The following BRIP1 variants were observed in gnomAD, a reference collection of about 807,000 sequenced individuals.
BRIP1 encodes the protein Fanconi anemia group J protein.
In BRIP1, 88 loss-of-function variants were observed where a neutral mutation model predicts 119.7. That is an observed-to-expected ratio of 0.74 (90% CI 0.62 to 0.88). The LOEUF (loss-of-function observed/expected upper bound fraction) is 0.88. Among genes scored for constraint, BRIP1 ranks in the 40% least tolerant of loss-of-function variants. The pLI is 0.00. For missense variants in BRIP1, 1,259 were observed against 1,455.4 expected (o/e 0.87, Z 2.20); for synonymous variants, 443 against 496.5 (o/e 0.89, Z 1.43).
rs79121306 is a variant in BRIP1 at position 61,780,250 on chromosome 17, C to T, written c.1935+11G>A. The T allele has an allele frequency of 1.0e-4, 163 of 1,580,972 alleles. 1 individual carries two copies. The African/African-American group carries it at 1.6e-3, about 16-fold the overall frequency. On this transcript the variant is annotated intron_variant, in intron 13 of 19. Coordinates refer to ENST00000259008, the MANE Select transcript of BRIP1 (RefSeq NM_032043.3). This position sits in a 1 kb window ranked among gnomAD's most constrained non-coding sequence, Gnocchi z 5.4. Reference sequence around the variant, plus strand: ...ACTGAAGGCCTTCCAAAAAAAAAAACAACAACTAACCTGTGAATTTTTAAT... The same window carrying T: ...ACTGAAGGCCTTCCAAAAAAAAAAATAACAACTAACCTGTGAATTTTTAAT...
rs754056526 is a variant in BRIP1, at chr17:61,683,679, T to C, written c.3367A>G (p.Thr1123Ala). ...KQSTSNRDFETEAEDESIYFT... is the reference protein window; with the variant it reads ...KQSTSNRDFEAEAEDESIYFT... ...TAGATAGATTCATCTTCTGCTTCTG[T>C]TTCAAAATCTCTATTTGAAGTGGAC... The change falls in exon 20 of 20, where the codon ACA (threonine) becomes GCA (alanine). Residue 1123 changes from threonine (T) to alanine (A), a missense_variant. Physicochemically the swap from Thr to Ala is moderately conservative, Grantham distance 58 (BLOSUM62 0). Around this residue, in one of 3 missense-constraint regions of BRIP1, gnomAD observed 753 missense variants for 891.8 expected, o/e 0.84. Coordinates refer to ENST00000259008, the MANE Select transcript of BRIP1 (RefSeq NM_032043.3). The surrounding 1 kb of genome is among the most constrained non-coding windows in gnomAD (Gnocchi z 4.7). 6.2e-7 allele frequency: 1 copy of C among 1,613,832 alleles called. No homozygotes were observed. The highest frequency in any genetic ancestry group is 1.7e-5 in the Admixed American group (1 of 60,024).
rs1303373106 is a variant in BRIP1, at chr17:61,816,884, T to C, written c.628-8127A>G. Among the ~76,000 whole-genome samples, 1 of 152,240 alleles carries C rather than the reference T, an allele frequency of 6.6e-6. No individual in the cohort carries two copies. Among genetic ancestry groups the C allele is most frequent in the Non-Finnish European group, 1.5e-5 (1 of 68,050 alleles). On this transcript the variant is annotated intron_variant, in intron 6 of 19. Transcript: ENST00000259008. This position sits in a 1 kb window ranked among gnomAD's most constrained non-coding sequence, Gnocchi z 5.0. ...GATAGAATTTTAAAAATCACCATTT[T>C]GCAACTTTCCTGTACTAACTGATTC...
chr17:61,719,830 T>C (rs1218529447), intron 16 of BRIP1, among the ~76,000 whole-genome samples: 4 of 151,956 alleles, frequency 2.6e-5, no homozygotes, highest in African/African-American at 4.8e-5. Context: ...TATTTGTTTT[T>C]TGTCTTGTTT....
intron 18 of BRIP1, among the ~76,000 whole-genome samples, chr17:61,688,777 A>C (rs1471957860): frequency 6.6e-6 from 1 of 151,824 alleles, no homozygotes; most frequent in Non-Finnish European, 1.5e-5. Flanking sequence ...AAGCTATATG[A>C]ATTACCTGGC....
chr17:61,848,937 T>G lies in BRIP1; in HGVS notation c.507+192A>C, dbSNP rs540571228. Among the ~76,000 whole-genome samples the G allele has an allele frequency of 1.3e-5, 2 of 152,324 alleles. No homozygotes were observed. The highest frequency in any genetic ancestry group is 4.1e-4 in the South Asian group (2 of 4,834). Reference sequence around the variant, plus strand: ...ATGCAGTTTCACTTGAACGACATGTTACTGTGAATAATCTGCTATAATAAA... The same window carrying G: ...ATGCAGTTTCACTTGAACGACATGTGACTGTGAATAATCTGCTATAATAAA... On this transcript the variant is annotated intron_variant, in intron 5 of 19. Coordinates refer to ENST00000259008, the MANE Select transcript of BRIP1 (RefSeq NM_032043.3). This position sits in a 1 kb window ranked among gnomAD's most constrained non-coding sequence, Gnocchi z 4.3.
chr17:61,804,520 C>G lies in BRIP1; in HGVS notation c.919-3046G>C, dbSNP rs765171116. The stretch of plus-strand genomic sequence containing the variant: ...TCTCATGCCTCAGCCTCCCAAGTAG[C>G]TGGGATTACAAGCACGCATCACCAT... On this transcript the variant is annotated intron_variant, in intron 7 of 19. Transcript: ENST00000259008. The surrounding 1 kb of genome is among the most constrained non-coding windows in gnomAD (Gnocchi z 4.5). Among the ~76,000 whole-genome samples the G allele has an allele frequency of 2.3e-4, 34 of 151,106 alleles. No homozygotes were observed. The highest frequency in any genetic ancestry group is 4.3e-4 in the Non-Finnish European group (29 of 67,852).
intron 17 of BRIP1, among the ~76,000 whole-genome samples, chr17:61,711,457 C>G (rs918285017): frequency 1.3e-5 from 2 of 152,098 alleles, no homozygotes; most frequent in Non-Finnish European, 2.9e-5. Context: ...TTCAGTGCAA[C>G]TTGATTCCAA....
rs930073253 is a variant in BRIP1, at chr17:61,832,203, T to C, written c.627+14898A>G. 2.6e-5 allele frequency among the ~76,000 whole-genome samples: 4 copies of C among 152,156 alleles called. No individual in the cohort carries two copies. The highest frequency in any genetic ancestry group is 9.7e-5 in the African/African-American group (4 of 41,446). The stretch of plus-strand genomic sequence containing the variant: ...CTTTTGCCAAAAAATAAGGAAGCGT[T>C]CCAAGAATGATTGATATATGTCAGA... On this transcript the variant is annotated intron_variant, in intron 6 of 19. Coordinates refer to ENST00000259008, the MANE Select transcript of BRIP1 (RefSeq NM_032043.3). This position sits in a 1 kb window ranked among gnomAD's most constrained non-coding sequence, Gnocchi z 5.5.
chr17:61,751,709 T>TA lies in BRIP1; in HGVS notation c.2098-7119dup, dbSNP rs1215469532. Among the ~76,000 whole-genome samples the TA allele has an allele frequency of 6.6e-6, 1 of 152,056 alleles. No individual in the cohort carries two copies. Among genetic ancestry groups the TA allele is most frequent in the African/African-American group, 2.4e-5 (1 of 41,422 alleles). ...TCTTTGAGAAAAATATATATAACTT[T>TA]AAAAAACTCATGAAACTAATACCTT... On this transcript the variant is annotated intron_variant, in intron 14 of 19. Coordinates refer to ENST00000259008, the MANE Select transcript of BRIP1 (RefSeq NM_032043.3). This position sits in a 1 kb window ranked among gnomAD's most constrained non-coding sequence, Gnocchi z 6.7.
In BRIP1 at chr17:61,685,718, C is replaced by T. The variant is rs776520804; in HGVS notation, c.2905+118G>A. On this transcript the variant is annotated intron_variant, in intron 19 of 19. Coordinates refer to ENST00000259008, the MANE Select transcript of BRIP1 (RefSeq NM_032043.3). ...ATACTGTTTCACTATTTTATGATAA[C>T]ACCTTATATTACAAACCACCATATT... is the stretch of plus-strand genomic sequence containing the variant. 1.1e-5 allele frequency: 10 copies of T among 930,060 alleles called. No homozygotes were observed. The highest frequency in any genetic ancestry group is 3.3e-5 in the African/African-American group (2 of 60,040). The allele number at this position is 930,060 out of a possible 1,614,324, so 57.6% of individuals were successfully genotyped here. A position where few individuals can be genotyped will look rare whatever the true frequency, so the allele number is the denominator to read the frequency against.
At position 61,682,582 on chromosome 17, in the gene BRIP1, A is replaced by C. The variant is rs552378907; in HGVS notation, c.*714T>G. The C allele has an allele frequency of 1.4e-4, 27 of 196,488 alleles. No individual in the cohort carries two copies. The highest frequency in any genetic ancestry group is 5.5e-4 in the African/African-American group (24 of 43,444). 12.2% of individuals were successfully genotyped at this position (196,488 alleles called of 1,614,324 possible). ...GTTTAATAACGAAATAAACCTTTCAAGACAAATGGTGATCTCTGAAAAAGT... is the reference window on the plus strand; with the variant it reads ...GTTTAATAACGAAATAAACCTTTCACGACAAATGGTGATCTCTGAAAAAGT... On this transcript the variant is annotated 3_prime_UTR_variant, in exon 20 of 20. Coordinates refer to ENST00000259008, the MANE Select transcript of BRIP1 (RefSeq NM_032043.3). This position sits in a 1 kb window ranked among gnomAD's most constrained non-coding sequence, Gnocchi z 4.9.
rs2145762670 is a variant in BRIP1, at chr17:61,849,164, T to A, written c.472A>T (p.Lys158Ter). 6.2e-7 allele frequency: 1 copy of A among 1,613,568 alleles called. No homozygotes were observed. Among genetic ancestry groups the A allele is most frequent in the Non-Finnish European group, 8.5e-7 (1 of 1,179,666 alleles). ...RDENDDFQVE[K>*]KRIRPLETTQ... Reference sequence around the variant, plus strand: ...GTTTCTAAGGGTCGAATTCTTTTCTTCTCTACTTGAAAATCATCATTTTCA... The same window carrying A: ...GTTTCTAAGGGTCGAATTCTTTTCTACTCTACTTGAAAATCATCATTTTCA... The change falls in exon 5 of 20, where the codon AAG (lysine) becomes TAG (stop). Residue 158 changes from lysine (K) to a stop codon, truncating the protein, a stop_gained. Transcript: ENST00000259008. LOFTEE classifies it high-confidence loss of function.
rs528118571 is a variant in BRIP1 at position 61,804,026 on chromosome 17, A to G, written c.919-2552T>C. ...CATGTTGAATAACGTGTATAGAATG[A>G]TTAAATTCATGTAAATTGCTTTTTT... On this transcript the variant is annotated intron_variant, in intron 7 of 19. Coordinates refer to ENST00000259008, the MANE Select transcript of BRIP1 (RefSeq NM_032043.3). The surrounding 1 kb of genome is among the most constrained non-coding windows in gnomAD (Gnocchi z 4.5). Among the ~76,000 whole-genome samples, 1 of 152,296 alleles carries G rather than the reference A, an allele frequency of 6.6e-6. No individual in the cohort carries two copies. Among genetic ancestry groups the G allele is most frequent in the African/African-American group, 2.4e-5 (1 of 41,584 alleles).
At position 61,847,194 on chromosome 17, in the gene BRIP1, T is replaced by C. The variant is rs2145744562; in HGVS notation, c.534A>G (p.Thr178=). Reference sequence around the variant, plus strand: ...CTTTTGCATCCAAATTGTGTACTTCTGTTCCAAAGCAATGACGTTTTCTAA... The same window carrying C: ...CTTTTGCATCCAAATTGTGTACTTCCGTTCCAAAGCAATGACGTTTTCTAA... ...QQIRKRHCFG[T]EVHNLDAKVD... Residue 178 remains threonine, a synonymous_variant, in exon 6 of 20, where the codon ACA becomes ACG. Coordinates refer to ENST00000259008, the MANE Select transcript of BRIP1 (RefSeq NM_032043.3). The C allele has an allele frequency of 6.2e-7, 1 of 1,613,768 alleles. No homozygotes were observed. The highest frequency in any genetic ancestry group is 8.5e-7 in the Non-Finnish European group (1 of 1,179,720).
intron 14 of BRIP1, among the ~76,000 whole-genome samples, chr17:61,765,971 C>G (rs756766353): frequency 1.3e-5 from 2 of 151,992 alleles, no homozygotes; most frequent in African/African-American, 4.8e-5. Flanking sequence ...GCTCTTATAT[C>G]TATCTTCCTA....
chr17:61,703,687 G>A lies in BRIP1; in HGVS notation c.2493-10175C>T, dbSNP rs189695270. 2.8e-3 allele frequency among the ~76,000 whole-genome samples: 425 copies of A among 152,280 alleles called. No individual in the cohort carries two copies. Among genetic ancestry groups the A allele is most frequent in the African/African-American group, 9.2e-3 (383 of 41,560 alleles). ...TGTTTTTGTTGCAATTGCTTTTGGT[G>A]TCTTCATGATGAAATCTTTGCTAGA... On this transcript the variant is annotated intron_variant, in intron 17 of 19. Transcript: ENST00000259008. This position sits in a 1 kb window ranked among gnomAD's most constrained non-coding sequence, Gnocchi z 5.0.
rs750774935 is a variant in BRIP1 at position 61,823,757 on chromosome 17, A to AC, written c.628-15001_628-15000insG. 6.1e-5 allele frequency among the ~76,000 whole-genome samples: 8 copies of AC among 131,748 alleles called. No individual in the cohort carries two copies. Among genetic ancestry groups the AC allele is most frequent in the East Asian group, 4.1e-4 (2 of 4,906 alleles). 86.4% of individuals were successfully genotyped at this position (131,748 alleles called of 152,430 possible). A position where few individuals can be genotyped will look rare whatever the true frequency, so the allele number is the denominator to read the frequency against. ...GCTCAATGACCCCAAGCACACAATAAACACACACACACACACACACACACA... is the reference window on the plus strand; with the variant it reads ...GCTCAATGACCCCAAGCACACAATAACACACACACACACACACACACACACA... On this transcript the variant is annotated intron_variant, in intron 6 of 19. Coordinates refer to ENST00000259008, the MANE Select transcript of BRIP1 (RefSeq NM_032043.3). The surrounding 1 kb of genome is among the most constrained non-coding windows in gnomAD (Gnocchi z 4.8).
Position 61,729,797 on chromosome 17 carries a change from C to T in BRIP1, c.2379+13216G>A, listed in dbSNP as rs982883030. On this transcript the variant is annotated intron_variant, in intron 16 of 19. Transcript: ENST00000259008. This position sits in a 1 kb window ranked among gnomAD's most constrained non-coding sequence, Gnocchi z 5.6. ...GGTGCTCAACCGAGAGCAATTTTGC[C>T]AACCAGAAGATAATGGCAATGTCTA... 3.3e-5 allele frequency among the ~76,000 whole-genome samples: 5 copies of T among 151,902 alleles called. No homozygotes were observed. The highest frequency in any genetic ancestry group is 2.0e-4 in the Admixed American group (3 of 15,244).
chr17:61,716,605 C>T (rs940160426), intron 16 of BRIP1, among the ~76,000 whole-genome samples: 1 of 151,844 alleles, frequency 6.6e-6, no homozygotes, highest in Admixed American at 6.6e-5. Context: ...CATTCTTTTA[C>T]GTTTATCCAG....
Sources: gnomAD v4.1 joint callset for allele counts (sites outside exome capture counted in the v4.1 genomes callset) on GRCh38, gnomAD v4.1.1 for gene constraint, gnomAD v4.1.1 regional missense constraint, Gnocchi (gnomAD v3.1) non-coding constraint, MANE v1.5 for transcripts, NCBI Gene and HGNC (gene_info 2026-07-23, HGNC 2026-07-21) for gene names.